The following PLXNA4 variants were observed in gnomAD, a reference collection of about 807,000 sequenced individuals.
PLXNA4 encodes plexin-A4.
In PLXNA4, 44 loss-of-function variants were observed where a neutral mutation model predicts 191.8. That is an observed-to-expected ratio of 0.23 (90% CI 0.18 to 0.29). PLXNA4 has a LOEUF of 0.29. Among genes scored for constraint, PLXNA4 ranks in the 10% least tolerant of loss-of-function variants. The pLI is 1.00. For missense variants in PLXNA4, 1,800 were observed against 2,488.8 expected, an observed-to-expected ratio of 0.72 and a Z score of 5.89; for synonymous variants, 1,082 against 1,009.5, an observed-to-expected ratio of 1.07 and a Z score of -1.36.
At chr7:132,412,189 C>G (rs1486179070) in intron 3 of PLXNA4, among the ~76,000 whole-genome samples, 1 of 152,208 alleles carries the variant, frequency 6.6e-6, no homozygotes, top group Non-Finnish European at 1.5e-5. Context: ...TTTCAAAACC[C>G]TACTTATTTA....
At chr7:132,155,346 G>GA (rs1795760350) in intron 25 of PLXNA4, among the ~76,000 whole-genome samples, 1 of 152,192 alleles carries the variant, frequency 6.6e-6, no homozygotes, top group African/African-American at 2.4e-5. Context: ...CAGGGGAAGA[G>GA]AATGGCACCA....
chr7:132,618,775 TTTAA>T (rs1197659121), intron 2 of PLXNA4, among the ~76,000 whole-genome samples: 2 of 152,210 alleles, frequency 1.3e-5, no homozygotes, highest in Non-Finnish European at 2.9e-5. Flanking sequence ...AATTAACAAT[TTTAA>T]TTAGAGACAA....
Position 132,185,369 on chromosome 7 carries a change from G to A in PLXNA4, c.3088C>T (p.Gln1030Ter). The change falls in exon 16 of 32, where the codon CAG (glutamine) becomes TAG (stop). Residue 1030 changes from glutamine to a stop codon, truncating the protein, a stop_gained. Transcript: ENST00000321063. LOFTEE classifies it high-confidence loss of function. ...SVQVDRAKIHQDLVFQYVEDP... is the reference protein window; with the variant it reads ...SVQVDRAKIH ...TCCACATACTGAAAGACCAGGTCCT[G>A]GTGGATCTTGGCCCTGTCCACCTGC... The A allele has an allele frequency of 6.2e-7, 1 of 1,614,114 alleles. No homozygotes were observed. The highest frequency in any genetic ancestry group is 8.5e-7 in the Non-Finnish European group (1 of 1,180,020).
chr7:132,384,955 C>A, intron 3 of PLXNA4: 3 of 1,337,118 alleles, frequency 2.2e-6, no homozygotes, highest in Non-Finnish European at 2.9e-6. Context: ...ACTCCATTGT[C>A]CAAAATTACC....
intron 2 of PLXNA4, among the ~76,000 whole-genome samples, chr7:132,586,825 C>T (rs1253683803): frequency 6.6e-6 from 1 of 152,052 alleles, no homozygotes; most frequent in East Asian, 1.9e-4. Flanking sequence ...ACTCAGGAGG[C>T]TGAGGTGGGA....
At chr7:132,251,723 G>A (rs1453263695) in intron 4 of PLXNA4, among the ~76,000 whole-genome samples, 3 of 152,260 alleles carry the variant, frequency 2.0e-5, no homozygotes, top group African/African-American at 7.2e-5. Flanking sequence ...GTGCCCAGAT[G>A]TGCATGTCTC....
At chr7:132,501,122 A>G (rs142511357) in intron 2 of PLXNA4, among the ~76,000 whole-genome samples, 105 of 152,260 alleles carry the variant, frequency 6.9e-4, no homozygotes, top group African/African-American at 2.4e-3. Flanking sequence ...GAGAAATCTC[A>G]TTGTACTTGC....
At chr7:132,624,822 T>G (rs1466751481) in intron 2 of PLXNA4, among the ~76,000 whole-genome samples, 1 of 152,076 alleles carries the variant, frequency 6.6e-6, no homozygotes, top group African/African-American at 2.4e-5. Flanking sequence ...ACCATAAATC[T>G]CAAAAGCTCA....
intron 4 of PLXNA4, among the ~76,000 whole-genome samples, chr7:132,296,842 AGT>A (rs1801101606): frequency 6.6e-6 from 1 of 151,972 alleles, no homozygotes; most frequent in Non-Finnish European, 1.5e-5. Context: ...CCATCTCGGT[AGT>A]CTCCCCTCCC....
At chr7:132,484,840 T>G (rs1194789788) in intron 3 of PLXNA4, 4 of 1,614,076 alleles carry the variant, frequency 2.5e-6, no homozygotes, top group Non-Finnish European at 3.4e-6. Flanking sequence ...CAGGTACATT[T>G]AGGAAGCAAC....
chr7:132,141,429 TCCCCTCCAGTTGGCACCTCCTG>T (rs1344683492), intron 29 of PLXNA4, among the ~76,000 whole-genome samples: 1 of 152,088 alleles, frequency 6.6e-6, no homozygotes, highest in African/African-American at 2.4e-5. Context: ...ATTCCCTCCT[TCCCCTCCAGTTGGCACCTCCTG>T]CCCACCAGGA....
At chr7:132,606,159 GTC>G (rs1290575186) in intron 2 of PLXNA4, among the ~76,000 whole-genome samples, 1 of 152,168 alleles carries the variant, frequency 6.6e-6, no homozygotes, top group Non-Finnish European at 1.5e-5. Flanking sequence ...GCAAGACTCT[GTC>G]TCAAATAAAA....
intron 4 of PLXNA4, among the ~76,000 whole-genome samples, chr7:132,259,917 G>C (rs1366130295): frequency 6.6e-6 from 1 of 152,128 alleles, no homozygotes. Flanking sequence ...ACCTGGAAAA[G>C]GCAAAAACTA....
chr7:132,254,347 G>C (rs540135391), intron 4 of PLXNA4, among the ~76,000 whole-genome samples: 1 of 152,164 alleles, frequency 6.6e-6, no homozygotes, highest in Admixed American at 6.5e-5. Context: ...GTTTACTGTG[G>C]CCATTTCTAT....
At chr7:132,320,760 T>A (rs1187856753) in intron 3 of PLXNA4, among the ~76,000 whole-genome samples, 1 of 152,204 alleles carries the variant, frequency 6.6e-6, no homozygotes, top group African/African-American at 2.4e-5. Context: ...TTTGGGCTCC[T>A]GACCAGCAGC....
At chr7:132,328,200 T>A (rs937360188) in intron 3 of PLXNA4, among the ~76,000 whole-genome samples, 4 of 152,120 alleles carry the variant, frequency 2.6e-5, no homozygotes, top group Admixed American at 2.6e-4. Context: ...GACAGATCCA[T>A]AATTAGAAGG....
chr7:132,456,918 AT>A (rs955429252), intron 3 of PLXNA4, among the ~76,000 whole-genome samples: 46 of 152,028 alleles, frequency 3.0e-4, no homozygotes, highest in Middle Eastern at 3.4e-3. Context: ...ATGGTTCTGT[AT>A]TTTTTTTAAC....
At chr7:132,316,649 CCAG>C (rs1352456639) in intron 3 of PLXNA4, among the ~76,000 whole-genome samples, 1 of 152,158 alleles carries the variant, frequency 6.6e-6, no homozygotes, top group African/African-American at 2.4e-5. Flanking sequence ...CCATAGCTCC[CCAG>C]CAGATGAAGA....
intron 4 of PLXNA4, among the ~76,000 whole-genome samples, chr7:132,286,215 G>A (rs990576019): frequency 6.6e-6 from 1 of 152,148 alleles, no homozygotes; most frequent in African/African-American, 2.4e-5. Flanking sequence ...GCCCTTCTCT[G>A]ATTGTGTACA....
Sources: allele counts gnomAD v4.1 joint callset (sites outside exome capture counted in the v4.1 genomes callset), GRCh38; gene constraint gnomAD v4.1.1; transcripts MANE v1.5; gene names NCBI Gene and HGNC (gene_info 2026-07-23, HGNC 2026-07-21).